SFMBT2: variants seen among roughly 807,000 people sequenced by gnomAD.
SFMBT2 encodes the protein scm-like with four MBT domains protein 2.
Under a neutral mutation model 110.1 loss-of-function variants are expected in SFMBT2, and 38 were observed. That is an observed-to-expected ratio of 0.35 (90% CI 0.27 to 0.45). SFMBT2 has a LOEUF of 0.45. Among genes scored for constraint, SFMBT2 ranks in the 20% least tolerant of loss-of-function variants. The pLI is 1.00. For synonymous variants in SFMBT2, 425 were observed against 425.4 expected (o/e 1.00, Z 0.01); for missense variants, 1,011 against 1,094.9 (o/e 0.92, Z 1.08).
intron 1 of SFMBT2, among the ~76,000 whole-genome samples, chr10:7,407,652 G>A (rs2132136437): frequency 6.6e-6 from 1 of 152,322 alleles, no homozygotes; most frequent in East Asian, 1.9e-4. Context: ...GCCTCGCCTT[G>A]CCTTCTTGGA....
intron 11 of SFMBT2, chr10:7,215,642 C>T (rs537099298): frequency 3.0e-6 from 3 of 985,406 alleles, no homozygotes; most frequent in East Asian, 1.1e-4. Context: ...GGCAGGGCCC[C>T]GCAGAGGCAG....
chr10:7,271,264 G>T (rs1040605148), intron 7 of SFMBT2, among the ~76,000 whole-genome samples: 1 of 135,292 alleles, frequency 7.4e-6, no homozygotes, highest in African/African-American at 2.8e-5. Flanking sequence ...CTGCACTCCA[G>T]CCTGGGTGAC....
At chr10:7,244,400 C>A (rs1397546514) in intron 8 of SFMBT2, among the ~76,000 whole-genome samples, 1 of 152,140 alleles carries the variant, frequency 6.6e-6, no homozygotes, top group Admixed American at 6.5e-5. Flanking sequence ...CTTCCTAGAC[C>A]GATTACACAT....
At chr10:7,372,540 T>C (rs1845091857) in intron 2 of SFMBT2, among the ~76,000 whole-genome samples, 1 of 152,068 alleles carries the variant, frequency 6.6e-6, no homozygotes, top group Non-Finnish European at 1.5e-5. Context: ...CCTGAGAAAA[T>C]AAGTCAACAG....
chr10:7,185,506 A>G (rs1460619298), intron 16 of SFMBT2, among the ~76,000 whole-genome samples: 1 of 152,238 alleles, frequency 6.6e-6, no homozygotes, highest in Non-Finnish European at 1.5e-5. Flanking sequence ...TGCTTATGAA[A>G]AAAAAGAAAC....
chr10:7,269,382 T>C (rs867327502), intron 7 of SFMBT2, among the ~76,000 whole-genome samples: 1 of 151,968 alleles, frequency 6.6e-6, no homozygotes, highest in South Asian at 2.1e-4. Context: ...CACACAGACG[T>C]GTGAACACAT....
chr10:7,248,564 G>A lies in SFMBT2; in HGVS notation c.956C>T (p.Pro319Leu). Residue 319 changes from proline to leucine, a missense_variant, in exon 8 of 21, where the codon CCT becomes CTT. Transcript: ENST00000397167. ...AAAACCCACCTTAGTCACCGACGCA[G>A]GAGAGATGTAAAAGGGCTCGCACAT... ...VNMCEPFYISPASVTKVFNNH... is the reference protein window; with the variant it reads ...VNMCEPFYISLASVTKVFNNH... The A allele has an allele frequency of 6.2e-7, 1 of 1,614,168 alleles. No individual in the cohort carries two copies. The highest frequency in any genetic ancestry group is 1.1e-5 in the South Asian group (1 of 91,088).
chr10:7,385,813 C>T lies in SFMBT2; in HGVS notation c.-51-3864G>A, dbSNP rs987970056. Among the ~76,000 whole-genome samples the T allele has an allele frequency of 2.8e-4, 42 of 152,168 alleles. No individual in the cohort carries two copies. In the South Asian group the frequency reaches 8.1e-3, roughly 29 times the overall value. On this transcript the variant is annotated intron_variant, in intron 1 of 20. Transcript: ENST00000397167. The stretch of plus-strand genomic sequence containing the variant: ...AGGAGATCAAGACCATCCTGGCTAA[C>T]ACGGTGAAACCCCGTCTCTACTAAA...
intron 4 of SFMBT2, among the ~76,000 whole-genome samples, chr10:7,305,770 T>C (rs1842675222): frequency 1.3e-5 from 2 of 152,352 alleles, no homozygotes; most frequent in Middle Eastern, 3.4e-3. Context: ...AAAGTAGAAA[T>C]GGCACTGGAC....
intron 7 of SFMBT2, among the ~76,000 whole-genome samples, chr10:7,262,031 T>C (rs1841222329): frequency 6.6e-6 from 1 of 152,232 alleles, no homozygotes; most frequent in African/African-American, 2.4e-5. Context: ...CCCGGTGGCA[T>C]GGCCACACCA....
intron 4 of SFMBT2, among the ~76,000 whole-genome samples, chr10:7,311,356 C>A (rs1842852665): frequency 6.6e-6 from 1 of 152,224 alleles, no homozygotes; most frequent in Non-Finnish European, 1.5e-5. Context: ...AACAGCTATA[C>A]TCTACTTTGC....
chr10:7,164,456 C>A, intron 20 of SFMBT2: 1 of 984,954 alleles, frequency 1.0e-6, no homozygotes, highest in South Asian at 4.7e-5. Context: ...CTCTGAAACT[C>A]ACATACCTAC....
chr10:7,167,073 C>T (rs891351626), intron 20 of SFMBT2, among the ~76,000 whole-genome samples: 1 of 152,058 alleles, frequency 6.6e-6, no homozygotes, highest in Non-Finnish European at 1.5e-5. Flanking sequence ...AAAATTAAAT[C>T]GATTTTGATA....
chr10:7,218,792 T>C (rs1187941321), intron 11 of SFMBT2, among the ~76,000 whole-genome samples: 2 of 152,134 alleles, frequency 1.3e-5, no homozygotes, highest in African/African-American at 2.4e-5. Context: ...TGGGAAGCCG[T>C]AGGGTCTGGG....
intron 1 of SFMBT2, among the ~76,000 whole-genome samples, chr10:7,382,170 G>A (rs1257042997): frequency 6.6e-6 from 1 of 152,140 alleles, no homozygotes; most frequent in Non-Finnish European, 1.5e-5. Flanking sequence ...AGCACTTTGG[G>A]AGACCGAGGT....
chr10:7,195,684 G>C (rs1838745845), intron 15 of SFMBT2, among the ~76,000 whole-genome samples: 1 of 152,110 alleles, frequency 6.6e-6, no homozygotes, highest in African/African-American at 2.4e-5. Context: ...CCCCAGCCTT[G>C]TTCCTGCTCC....
chr10:7,309,408 C>T (rs1218924365), intron 4 of SFMBT2, among the ~76,000 whole-genome samples: 1 of 152,216 alleles, frequency 6.6e-6, no homozygotes, highest in Non-Finnish European at 1.5e-5. Context: ...AGGGCTGATT[C>T]TCACCCGTGA....
intron 4 of SFMBT2, among the ~76,000 whole-genome samples, chr10:7,302,643 C>A (rs1842584654): frequency 6.6e-6 from 1 of 152,200 alleles, no homozygotes. Context: ...TTACAAGGAG[C>A]ATTCCAAAGT....
chr10:7,345,853 T>TAAATG (rs1313030382), intron 4 of SFMBT2, among the ~76,000 whole-genome samples: 1 of 152,170 alleles, frequency 6.6e-6, no homozygotes, highest in African/African-American at 2.4e-5. Flanking sequence ...CCTTCCTCCA[T>TAAATG]GTCTTCACAG....
Sources: gnomAD v4.1 joint callset for allele counts (sites outside exome capture counted in the v4.1 genomes callset) on GRCh38, gnomAD v4.1.1 for gene constraint, MANE v1.5 for transcripts, NCBI Gene and HGNC (gene_info 2026-07-23, HGNC 2026-07-21) for gene names.